Variants in PKIA observed in about 807,000 individuals in gnomAD.
PKIA encodes cAMP-dependent protein kinase inhibitor alpha, also known as PKI-alpha.
A neutral mutation model predicts 7.6 loss-of-function variants in PKIA; 4 were observed. The ratio of observed to expected loss-of-function variants is 0.52; its 90% CI spans 0.26 to 1.20. The LOEUF is 1.20. Ranked by LOEUF, PKIA falls within the 50% of genes most tolerant of loss-of-function variation. The pLI is 0.13. For synonymous variants in PKIA, 21 were observed against 30.7 expected (o/e 0.68, Z 1.04); for missense variants, 73 against 86.2 (o/e 0.85, Z 0.61).
rs1808439816 is a variant in PKIA at position 78,604,987 on chromosome 8, T to G, written c.*3166T>G. The G allele has an allele frequency of 6.6e-6, 1 of 152,040 alleles. No individual in the cohort carries two copies. Among genetic ancestry groups the G allele is most frequent in the Non-Finnish European group, 1.5e-5 (1 of 67,972 alleles). The allele number at this position is 152,040 out of a possible 1,614,324, so 9.4% of individuals were successfully genotyped here. A position where few individuals can be genotyped will look rare whatever the true frequency, so the allele number is the denominator to read the frequency against. On this transcript the variant is annotated 3_prime_UTR_variant, in exon 4 of 4. Transcript: ENST00000396418. ...AAGATGAATGATACTGCTATTTCTC[T>G]TCAGGGAAACAATAATGGATAAAGA...
At chr8:78,579,186 C>G (rs1807746964) in intron 2 of PKIA, among the ~76,000 whole-genome samples, 1 of 151,976 alleles carries the variant, frequency 6.6e-6, no homozygotes, top group Non-Finnish European at 1.5e-5. Flanking sequence ...CATTGCTTGC[C>G]TCACCTAGTG....
chr8:78,601,940 G>C lies in PKIA; in HGVS notation c.*119G>C. The C allele has an allele frequency of 1.3e-6, 1 of 746,206 alleles. No homozygotes were observed. The allele number at this position is 746,206 out of a possible 1,614,324, so 46.2% of individuals were successfully genotyped here. ...AGAAAATGGCTGTGCTGCATTGCAG[G>C]AACCTGCTCATTATCATGTTAAAAA... On this transcript the variant is annotated 3_prime_UTR_variant, in exon 4 of 4. Transcript: ENST00000396418.
At chr8:78,559,390 C>T (rs1353151704) in intron 1 of PKIA, among the ~76,000 whole-genome samples, 1 of 152,130 alleles carries the variant, frequency 6.6e-6, no homozygotes, top group Non-Finnish European at 1.5e-5. Flanking sequence ...GGTGGGAAGA[C>T]TGAGAAGCTA....
chr8:78,553,918 G>A (rs1021409857), intron 1 of PKIA, among the ~76,000 whole-genome samples: 27 of 151,950 alleles, frequency 1.8e-4, no homozygotes, highest in African/African-American at 5.6e-4. Context: ...GTTTATAAAT[G>A]TTAAGTTTAA....
Position 78,602,714 on chromosome 8 carries a change from T to TATATATATA in PKIA, c.*893_*894insATATATATA, listed in dbSNP as rs1563597495. On this transcript the variant is annotated 3_prime_UTR_variant, in exon 4 of 4. Coordinates refer to ENST00000396418, the MANE Select transcript of PKIA (RefSeq NM_006823.4). ...CACATAATATATATATATATATATA[T>TATATATATA]TTTAATTTATGAGAATTTTGGACAA... The TATATATATA allele has an allele frequency of 3.4e-5, 5 of 148,026 alleles. No individual in the cohort carries two copies. Among genetic ancestry groups the TATATATATA allele is most frequent in the Admixed American group, 6.7e-5 (1 of 14,880 alleles). 9.2% of individuals were successfully genotyped at this position (148,026 alleles called of 1,614,324 possible).
intron 1 of PKIA, among the ~76,000 whole-genome samples, chr8:78,521,044 G>T (rs1178619158): frequency 1.3e-5 from 2 of 152,006 alleles, no homozygotes; most frequent in Non-Finnish European, 2.9e-5. Flanking sequence ...TCACAAAAAA[G>T]GCATGGAAAG....
chr8:78,602,088 C>T lies in PKIA; in HGVS notation c.*267C>T, dbSNP rs1167432105. On this transcript the variant is annotated 3_prime_UTR_variant, in exon 4 of 4. Transcript: ENST00000396418. ...TGGATCCTTTCACTTGATCATATGA[C>T]GAAATGCTTATAGAGAGTAGCTCCG... is the stretch of plus-strand genomic sequence containing the variant. 11 of 452,538 alleles carry T rather than the reference C, an allele frequency of 2.4e-5. No individual in the cohort carries two copies. The highest frequency in any genetic ancestry group is 3.9e-5 in the Admixed American group (1 of 25,440). 28.0% of individuals were successfully genotyped at this position (452,538 alleles called of 1,614,324 possible).
At chr8:78,580,582 T>G (rs1807781199) in intron 2 of PKIA, among the ~76,000 whole-genome samples, 1 of 151,954 alleles carries the variant, frequency 6.6e-6, no homozygotes, top group African/African-American at 2.4e-5. Flanking sequence ...TGTTGAAAGT[T>G]ATTGGAAGGA....
intron 1 of PKIA, among the ~76,000 whole-genome samples, chr8:78,571,146 CTT>C (rs76005007): frequency 2.6e-4 from 36 of 139,750 alleles, no homozygotes; most frequent in Middle Eastern, 3.7e-3. Context: ...TTAATTTTTC[CTT>C]TTTTTTTTTT....
intron 1 of PKIA, among the ~76,000 whole-genome samples, chr8:78,526,952 C>A (rs868664648): frequency 5.9e-5 from 9 of 151,888 alleles, no homozygotes; most frequent in Middle Eastern, 3.4e-3. Flanking sequence ...TTGATATGGG[C>A]CATTTGGGTT....
At chr8:78,578,864 A>G (rs1055277902) in intron 2 of PKIA, among the ~76,000 whole-genome samples, 2 of 152,018 alleles carry the variant, frequency 1.3e-5, no homozygotes, top group South Asian at 2.1e-4. Flanking sequence ...TCCCATATTC[A>G]TACCTCTAGC....
At chr8:78,518,572 A>C (rs991038981) in intron 1 of PKIA, among the ~76,000 whole-genome samples, 4 of 152,210 alleles carry the variant, frequency 2.6e-5, no homozygotes, top group African/African-American at 7.2e-5. Context: ...CAGTTTCTGT[A>C]ATGTTGACAG....
chr8:78,579,606 A>AAGAT (rs1807759322), intron 2 of PKIA, among the ~76,000 whole-genome samples: 1 of 152,080 alleles, frequency 6.6e-6, no homozygotes, highest in Non-Finnish European at 1.5e-5. Context: ...CATTTTGCGA[A>AAGAT]AGATAGATAC....
intron 2 of PKIA, among the ~76,000 whole-genome samples, chr8:78,582,203 T>G (rs529260164): frequency 2.0e-5 from 3 of 150,218 alleles, no homozygotes; most frequent in African/African-American, 7.3e-5. Flanking sequence ...CTTTGGGATT[T>G]TTTTTCTAAT....
At chr8:78,523,253 C>G (rs1463624768) in intron 1 of PKIA, among the ~76,000 whole-genome samples, 1 of 151,858 alleles carries the variant, frequency 6.6e-6, no homozygotes, top group African/African-American at 2.4e-5. Context: ...GTCACAACTG[C>G]ATTTTAAAGT....
intron 2 of PKIA, among the ~76,000 whole-genome samples, chr8:78,586,216 C>T (rs773375609): frequency 2.0e-5 from 3 of 151,992 alleles, no homozygotes; most frequent in Non-Finnish European, 4.4e-5. Context: ...TTTGGAAGCT[C>T]CACACTACAT....
chr8:78,549,803 C>A (rs1806937953), intron 1 of PKIA, among the ~76,000 whole-genome samples: 1 of 149,320 alleles, frequency 6.7e-6, no homozygotes, highest in South Asian at 2.1e-4. Context: ...CTCAGTGAAA[C>A]AAAGGTCCAT....
At chr8:78,524,846 T>C (rs1387555551) in intron 1 of PKIA, among the ~76,000 whole-genome samples, 1 of 151,882 alleles carries the variant, frequency 6.6e-6, no homozygotes, top group African/African-American at 2.4e-5. Flanking sequence ...TTTCTGTAAC[T>C]CAAATGGCCA....
At chr8:78,598,658 T>A (rs1252913798) in intron 3 of PKIA, 123 bp downstream of exon 3, 1 of 719,322 alleles carries the variant, frequency 1.4e-6, no homozygotes, top group Middle Eastern at 2.9e-4. Flanking sequence ...TTAAACAATC[T>A]AAGGCAAGAT....
Sources: allele counts gnomAD v4.1 joint callset (sites outside exome capture counted in the v4.1 genomes callset), GRCh38; gene constraint gnomAD v4.1.1; transcripts MANE v1.5; gene names NCBI Gene and HGNC (gene_info 2026-07-23, HGNC 2026-07-21).